Variants in COG4 observed in about 807,000 individuals in gnomAD.
COG4 encodes component of oligomeric golgi complex 4, also known as conserved oligomeric Golgi complex subunit 4.
COG4 carries 65 observed loss-of-function variants against 95.1 expected under a neutral mutation model. The ratio of observed to expected loss-of-function variants is 0.68; its 90% CI spans 0.56 to 0.84. The LOEUF is 0.84. COG4 is among the 40% of genes least tolerant of loss of function. COG4 has a pLI of 0.00. For synonymous variants in COG4, 421 were observed against 374.8 expected (o/e 1.12, Z -1.42); for missense variants, 1,045 against 989.1 (o/e 1.06, Z -0.76).
At chr16:70,521,759 T>C (rs1211850560) in intron 1 of COG4, among the ~76,000 whole-genome samples, 1 of 149,320 alleles carries the variant, frequency 6.7e-6, no homozygotes, top group East Asian at 2.0e-4. Flanking sequence ...TGGAGTGCAG[T>C]GGTGCGATCT....
chr16:70,485,450 C>G (rs528248583), intron 13 of COG4, among the ~76,000 whole-genome samples: 1 of 151,484 alleles, frequency 6.6e-6, no homozygotes, highest in African/African-American at 2.4e-5. Flanking sequence ...GTGATCCACC[C>G]GCCTCAGCCT....
intron 1 of COG4, among the ~76,000 whole-genome samples, chr16:70,522,117 C>T (rs1198004983): frequency 6.6e-6 from 1 of 151,820 alleles, no homozygotes; most frequent in South Asian, 2.1e-4. Context: ...CCTGCCTCAG[C>T]CTCCCGAGTA....
Position 70,485,965 on chromosome 16 carries a change from G to A in COG4, c.1711-1996C>T, listed in dbSNP as rs1011147341. Among the ~76,000 whole-genome samples the A allele has an allele frequency of 5.3e-5, 8 of 149,702 alleles. No homozygotes were observed. The East Asian group carries it at 5.9e-4, about 11-fold the overall frequency. ...GGCTGGAGTGCAGTGGCTTGATCTCGGTTCACTGCAAGCTCCGCCTCCTGG... is the reference window on the plus strand; with the variant it reads ...GGCTGGAGTGCAGTGGCTTGATCTCAGTTCACTGCAAGCTCCGCCTCCTGG... On this transcript the variant is annotated intron_variant, in intron 13 of 18. Coordinates refer to ENST00000323786, the MANE Select transcript of COG4 (RefSeq NM_015386.3).
intron 8 of COG4, among the ~76,000 whole-genome samples, chr16:70,505,491 C>T (rs1404798171): frequency 6.6e-6 from 1 of 150,662 alleles, no homozygotes; most frequent in African/African-American, 2.4e-5. Flanking sequence ...CGTGAGCCAC[C>T]GCACCCACTG....
chr16:70,517,210 TTGA>T (rs983992417), intron 3 of COG4, among the ~76,000 whole-genome samples: 1 of 152,034 alleles, frequency 6.6e-6, no homozygotes, highest in Non-Finnish European at 1.5e-5. Context: ...CATAGACATT[TTGA>T]TGTTGTAGTT....
intron 1 of COG4, 42 bp downstream of exon 1, chr16:70,523,331 T>G: frequency 6.2e-7 from 1 of 1,612,224 alleles, no homozygotes; most frequent in East Asian, 2.2e-5. Flanking sequence ...GCTCCCACTC[T>G]CCCTAGATCC....
chr16:70,499,286 T>C (rs1201134612), intron 9 of COG4, among the ~76,000 whole-genome samples: 1 of 152,214 alleles, frequency 6.6e-6, no homozygotes, highest in Non-Finnish European at 1.5e-5. Flanking sequence ...CATGAATGGC[T>C]ACGTATTGGG....
intron 2 of COG4, among the ~76,000 whole-genome samples, chr16:70,518,804 C>G (rs1041758766): frequency 1.3e-5 from 2 of 151,984 alleles, no homozygotes; most frequent in Admixed American, 1.3e-4. Flanking sequence ...TGGTGAAACC[C>G]TGTCTCTACT....
chr16:70,481,277 T>C lies in COG4; in HGVS notation c.2235+82A>G, dbSNP rs2048985666. ...CTATAGAGCTGGCTGCTGGCAGACATGGTTTAGAGGGAAGTGGCGGGGATC... is the reference window on the plus strand; with the variant it reads ...CTATAGAGCTGGCTGCTGGCAGACACGGTTTAGAGGGAAGTGGCGGGGATC... On this transcript the variant is annotated intron_variant, in intron 18 of 18. Transcript: ENST00000323786. 4 of 1,607,608 alleles carry C rather than the reference T, an allele frequency of 2.5e-6. No homozygotes were observed. In the Admixed American group the frequency reaches 6.7e-5, roughly 27 times the overall value.
chr16:70,490,301 T>C lies in COG4; in HGVS notation c.1710+29A>G, dbSNP rs372126109. ...TCTCAACATGGGAAAAGATGGCTGC[T>C]GACCACTGATAGGCAATTTCCCTCG... On this transcript the variant is annotated intron_variant, in intron 13 of 18. Transcript: ENST00000323786. The C allele has an allele frequency of 4.4e-6, 7 of 1,581,324 alleles. No homozygotes were observed. In the African/African-American group the frequency reaches 9.4e-5, roughly 21 times the overall value.
intron 5 of COG4, 64 bp from the exon 6 acceptor site, chr16:70,510,085 A>C: frequency 2.5e-4 from 336 of 1,341,936 alleles, no homozygotes; most frequent in Non-Finnish European, 3.3e-4. Flanking sequence ...GGTATATCTC[A>C]GTTTTCCAAA....
At position 70,519,815 on chromosome 16, in the gene COG4, T is replaced by C. The variant is rs932844253; in HGVS notation, c.172-84A>G. 4.0e-6 allele frequency: 4 copies of C among 1,000,226 alleles called. No homozygotes were observed. In the Admixed American group the frequency reaches 7.4e-5, roughly 18 times the overall value. The allele number at this position is 1,000,226 out of a possible 1,614,324, so 62.0% of individuals were successfully genotyped here. On this transcript the variant is annotated intron_variant, in intron 1 of 18. Transcript: ENST00000323786. ...CTAATCCAATCACTTAGCTGAAGGGTGAATCTCATTTCCAAGTCCTTTTTT... is the reference window on the plus strand; with the variant it reads ...CTAATCCAATCACTTAGCTGAAGGGCGAATCTCATTTCCAAGTCCTTTTTT...
chr16:70,480,964 G>A lies in COG4; in HGVS notation c.*46C>T. 1 of 1,608,496 alleles carries A rather than the reference G, an allele frequency of 6.2e-7. No individual in the cohort carries two copies. ...AGCTCCTTGGCTGGGGCCCCTTAGG[G>A]AACAGGCCTGCAAGTGTGATGAGCC... On this transcript the variant is annotated 3_prime_UTR_variant, in exon 19 of 19. Transcript: ENST00000323786.
In COG4 at chr16:70,496,265, C is replaced by T. The variant is rs773314806; in HGVS notation, c.1647+1G>A. 6.2e-7 allele frequency: 1 copy of T among 1,614,152 alleles called. No homozygotes were observed. Among genetic ancestry groups the T allele is most frequent in the South Asian group, 1.1e-5 (1 of 91,076 alleles). On this transcript the variant is annotated splice_donor_variant, in intron 12 of 18. Transcript: ENST00000323786. LOFTEE classifies it high-confidence loss of function. Reference sequence around the variant, plus strand: ...CAGCTCGTGAGCTGTGGGGTACCTACCAGGAAGGACATCTTCGCCTCGTCA... The same window carrying T: ...CAGCTCGTGAGCTGTGGGGTACCTATCAGGAAGGACATCTTCGCCTCGTCA...
intron 2 of COG4, among the ~76,000 whole-genome samples, chr16:70,518,802 C>T (rs956538285): frequency 1.3e-5 from 2 of 151,962 alleles, no homozygotes; most frequent in Non-Finnish European, 2.9e-5. Context: ...CATGGTGAAA[C>T]CCTGTCTCTA....
At chr16:70,483,998 C>T (rs183113283) in intron 13 of COG4, 29 bp from the exon 14 acceptor site, 20 of 1,521,782 alleles carry the variant, frequency 1.3e-5, no homozygotes, top group Admixed American at 8.3e-5. Context: ...GTAAGACCAC[C>T]GAGCACGCGT....
chr16:70,497,150 A>G (rs2049355791), intron 11 of COG4, 71 bp downstream of exon 11: 1 of 1,449,806 alleles, frequency 6.9e-7, no homozygotes, highest in East Asian at 2.3e-5. Context: ...CAAAGGGCAG[A>G]AACAAATGGG....
chr16:70,516,667 C>T (rs949926830), intron 3 of COG4, among the ~76,000 whole-genome samples: 3 of 151,936 alleles, frequency 2.0e-5, no homozygotes, highest in African/African-American at 7.2e-5. Flanking sequence ...TTTTGTCTGG[C>T]TTTGTTATCT....
In COG4 at chr16:70,481,985, G is replaced by A. The variant is rs2049006705; in HGVS notation, c.2004+107C>T. ...GGGGGAGTTTCTACAGGTGAGGGTTGGAAGGGCTTTCAGGGTCCCCAGAAG... is the reference window on the plus strand; with the variant it reads ...GGGGGAGTTTCTACAGGTGAGGGTTAGAAGGGCTTTCAGGGTCCCCAGAAG... On this transcript the variant is annotated intron_variant, in intron 16 of 18. Coordinates refer to ENST00000323786, the MANE Select transcript of COG4 (RefSeq NM_015386.3). The A allele has an allele frequency of 3.0e-6, 4 of 1,340,132 alleles. No homozygotes were observed. In the African/African-American group the frequency reaches 4.3e-5, roughly 14 times the overall value. 83.0% of individuals were successfully genotyped at this position (1,340,132 alleles called of 1,614,324 possible).
Sources: gnomAD v4.1 joint callset for allele counts (sites outside exome capture counted in the v4.1 genomes callset) on GRCh38, gnomAD v4.1.1 for gene constraint, MANE v1.5 for transcripts, NCBI Gene and HGNC (gene_info 2026-07-23, HGNC 2026-07-21) for gene names.